DMD: variants seen among roughly 807,000 people sequenced by gnomAD.
DMD encodes mutant dystrophin.
A neutral mutation model predicts 330.1 loss-of-function variants in DMD; 63 were observed. That is an observed-to-expected ratio of 0.19 (90% CI 0.16 to 0.24). The LOEUF is 0.24. Ranked by LOEUF, DMD falls within the 10% of genes least tolerant of loss-of-function variation. The pLI is 1.00. For synonymous variants in DMD, 1,223 were observed against 959.8 expected (o/e 1.27, Z -5.07); for missense variants, 3,344 against 2,684.1 (o/e 1.25, Z -5.43).
intron 16 of DMD, among the ~76,000 whole-genome samples, chrX:32,547,109 G>C (rs904150366): frequency 9.0e-6 from 1 of 110,920 alleles, no homozygotes; most frequent in Non-Finnish European, 1.9e-5. Context: ...TTTGCATACA[G>C]TGGAGGCTAG....
intron 1 of DMD, chrX:33,041,572 TC>T (rs2094302472): frequency 8.3e-7 from 1 of 1,207,271 alleles, no homozygotes; most frequent in Non-Finnish European, 1.1e-6. Context: ...CCTACAAGAA[TC>T]CCGGATGATG....
intron 1 of DMD, among the ~76,000 whole-genome samples, chrX:33,055,532 GA>G (rs959814227): frequency 9.0e-6 from 1 of 111,399 alleles, no homozygotes; most frequent in Non-Finnish European, 1.9e-5. Flanking sequence ...CTGAACGCAA[GA>G]AAAAAAATTA....
At chrX:31,887,269 A>G in intron 47 of DMD, among the ~76,000 whole-genome samples, 1 of 112,350 alleles carries the variant, frequency 8.9e-6, no homozygotes, top group Non-Finnish European at 1.9e-5. Flanking sequence ...ATAACTTTGA[A>G]AGTAAGTGGG....
intron 60 of DMD, among the ~76,000 whole-genome samples, chrX:31,423,382 A>G (rs952436198): frequency 4.5e-5 from 5 of 111,366 alleles, no homozygotes; most frequent in Non-Finnish European, 7.5e-5. Flanking sequence ...TTCTTATTTT[A>G]CTGGAAAAAA....
chrX:32,680,913 A>G (rs916988989), intron 9 of DMD, among the ~76,000 whole-genome samples: 1 of 111,808 alleles, frequency 8.9e-6, no homozygotes, highest in Non-Finnish European at 1.9e-5. Context: ...ACAGCTGCTC[A>G]TCTACTTCTG....
chrX:32,587,377 T>G (rs2054414312), intron 13 of DMD, among the ~76,000 whole-genome samples: 1 of 112,480 alleles, frequency 8.9e-6, no homozygotes, highest in Non-Finnish European at 1.9e-5. Context: ...ATTAAATGTC[T>G]GTCATTCTTA....
At chrX:32,948,691 GAGAAGCAAGAGA>G (rs1453541052) in intron 2 of DMD, among the ~76,000 whole-genome samples, 3 of 111,561 alleles carry the variant, frequency 2.7e-5, no homozygotes, top group Non-Finnish European at 5.7e-5. Flanking sequence ...TGTCATTCTG[GAGAAGCAAGAGA>G]AGCTAAGGTT....
intron 44 of DMD, among the ~76,000 whole-genome samples, chrX:32,079,617 GAAAGAA>G (rs1474821311): frequency 5.1e-5 from 5 of 97,351 alleles, no homozygotes; most frequent in African/African-American, 1.9e-4. Context: ...AGAAAGAAAA[GAAAGAA>G]AAAGAAAAAG....
intron 9 of DMD, among the ~76,000 whole-genome samples, chrX:32,697,221 A>G: frequency 9.0e-6 from 1 of 111,638 alleles, no homozygotes; most frequent in Non-Finnish European, 1.9e-5. Flanking sequence ...TGGGTTCCAT[A>G]CAATATTGAA....
rs2059030473 is a variant in DMD at position 32,635,421 on chromosome X, T to G, written c.1331+8711A>C. On this transcript the variant is annotated intron_variant, in intron 11 of 78. Coordinates refer to ENST00000357033, the MANE Select transcript of DMD (RefSeq NM_004006.3). Reference sequence around the variant, plus strand: ...TTACTGGAGGCTTCTGTTTGGCGATTTTTCTCCACCTCCTCCACAATAAAC... The same window carrying G: ...TTACTGGAGGCTTCTGTTTGGCGATGTTTCTCCACCTCCTCCACAATAAAC... Among the ~76,000 whole-genome samples the G allele has an allele frequency of 2.7e-5, 3 of 111,510 alleles. No individual in the cohort carries two copies. The South Asian group carries it at 1.1e-3, about 42-fold the overall frequency.
intron 1 of DMD, among the ~76,000 whole-genome samples, chrX:33,334,849 ATCT>A (rs1332078839): frequency 9.0e-6 from 1 of 111,311 alleles, no homozygotes; most frequent in African/African-American, 3.3e-5. Flanking sequence ...TATCTCAGAC[ATCT>A]TCTTCAATTT....
At position 31,643,822 on chromosome X, in the gene DMD, C is replaced by A. The variant is rs774111958; in HGVS notation, c.8027+14168G>T. Among the ~76,000 whole-genome samples, 3 of 111,677 alleles carry A rather than the reference C, an allele frequency of 2.7e-5. No homozygotes were observed. The East Asian group carries it at 8.4e-4, about 31-fold the overall frequency. ...AATATTATGCCTTTTCTCAGAAAAA[C>A]ATTATACTTTCATAGAATGTGGACT... On this transcript the variant is annotated intron_variant, in intron 54 of 78. Transcript: ENST00000357033.
intron 52 of DMD, among the ~76,000 whole-genome samples, chrX:31,710,423 T>C (rs952780181): frequency 1.8e-5 from 2 of 111,083 alleles, no homozygotes; most frequent in Admixed American, 9.6e-5. Context: ...AGATGAATTG[T>C]CTGTTTCTCT....
chrX:31,526,769 C>T lies in DMD; in HGVS notation c.8218-19316G>A, dbSNP rs553301974. Among the ~76,000 whole-genome samples the T allele has an allele frequency of 8.1e-5, 9 of 111,538 alleles. No individual in the cohort carries two copies. In the South Asian group the frequency reaches 3.0e-3, roughly 37 times the overall value. On this transcript the variant is annotated intron_variant, in intron 55 of 78. Transcript: ENST00000357033. The stretch of plus-strand genomic sequence containing the variant: ...TCTTCTATCTGTTGAAAATCTTATT[C>T]CCAAAGTATAGACTGACAACTTTCA...
chrX:32,691,945 T>C (rs1434137087), intron 9 of DMD, among the ~76,000 whole-genome samples: 5 of 111,326 alleles, frequency 4.5e-5, no homozygotes, highest in Non-Finnish European at 9.4e-5. Context: ...ATAAGAGGTA[T>C]GTAAAATACT....
intron 67 of DMD, among the ~76,000 whole-genome samples, chrX:31,186,875 A>T (rs1380448525): frequency 8.9e-6 from 1 of 112,804 alleles, no homozygotes; most frequent in Non-Finnish European, 1.9e-5. Flanking sequence ...TACCCATGCC[A>T]GTGTGTGCTT....
intron 55 of DMD, among the ~76,000 whole-genome samples, chrX:31,524,756 G>A (rs2073120130): frequency 1.8e-5 from 2 of 111,812 alleles, no homozygotes; most frequent in African/African-American, 6.5e-5. Flanking sequence ...CTAACAAACG[G>A]ACAGGTGAAA....
intron 45 of DMD, among the ~76,000 whole-genome samples, chrX:31,933,689 C>G (rs1157155445): frequency 5.4e-5 from 6 of 111,756 alleles, no homozygotes; most frequent in Admixed American, 4.8e-4. Flanking sequence ...TCAGAAATCT[C>G]CTCTTATCCC....
intron 29 of DMD, among the ~76,000 whole-genome samples, chrX:32,428,471 T>A (rs1453064683): frequency 1.8e-5 from 2 of 112,135 alleles, no homozygotes; most frequent in Non-Finnish European, 3.8e-5. Flanking sequence ...ATCATCACTA[T>A]CTTCACTAAC....
Sources: allele counts gnomAD v4.1 joint callset (sites outside exome capture counted in the v4.1 genomes callset), GRCh38; gene constraint gnomAD v4.1.1; transcripts MANE v1.5; gene names NCBI Gene and HGNC (gene_info 2026-07-23, HGNC 2026-07-21).